BRSK1: variants seen among roughly 807,000 people sequenced by gnomAD.
BRSK1 encodes the protein BR serine/threonine kinase 1.
BRSK1 carries 17 observed loss-of-function variants against 86.2 expected under a neutral mutation model. That is an observed-to-expected ratio of 0.20 (90% CI 0.14 to 0.30). The LOEUF (loss-of-function observed/expected upper bound fraction) is 0.30. Ranked by LOEUF, BRSK1 falls within the 10% of genes least tolerant of loss-of-function variation. BRSK1 has a pLI of 1.00. For missense variants in BRSK1, 719 were observed against 1,071.9 expected, an observed-to-expected ratio of 0.67 and a Z score of 4.60; for synonymous variants, 464 against 440.1, an observed-to-expected ratio of 1.05 and a Z score of -0.68.
At position 55,304,009 on chromosome 19, in the gene BRSK1, T is replaced by G; in HGVS notation, c.1287-41T>G. On this transcript the variant is annotated intron_variant, in intron 12 of 18. Transcript: ENST00000309383. The surrounding 1 kb of genome is among the most constrained non-coding windows in gnomAD (Gnocchi z 5.2). ...GGAACATCTGTGGTTTTTGAAACCC[T>G]CCCATCTGATTTTTTTTTTTTAAAT... The G allele has an allele frequency of 1.9e-6, 3 of 1,570,724 alleles. No individual in the cohort carries two copies. The highest frequency in any genetic ancestry group is 2.6e-6 in the Non-Finnish European group (3 of 1,160,940).
Position 55,312,052 on chromosome 19 carries a change from G to A in BRSK1, c.2321G>A (p.Gly774Glu). Residue 774 changes from glycine to glutamate, a missense_variant, in exon 19 of 19, where the codon GGG (glycine) becomes GAG (glutamate). This residue lies in a region of BRSK1 where 82 missense variants were observed against 72.6 expected (regional missense o/e 1.13). Coordinates refer to ENST00000309383, the MANE Select transcript of BRSK1 (RefSeq NM_032430.2). ...PKDKKLLATN[G>E]TPLP ...GACAAGAAGCTCCTGGCCACCAACGGGACCCCTCTGCCCTGACCCCACGGG... is the reference window on the plus strand; with the variant it reads ...GACAAGAAGCTCCTGGCCACCAACGAGACCCCTCTGCCCTGACCCCACGGG... The A allele has an allele frequency of 6.8e-7, 1 of 1,476,670 alleles. No homozygotes were observed. 91.5% of individuals were successfully genotyped at this position (1,476,670 alleles called of 1,614,324 possible).
Position 55,304,878 on chromosome 19 carries a change from AGCTTCCTGG to A in BRSK1, c.1679_1687del (p.Phe560_Gly562del). 6.2e-7 allele frequency: 1 copy of A among 1,609,704 alleles called. No individual in the cohort carries two copies. The highest frequency in any genetic ancestry group is 8.5e-7 in the Non-Finnish European group (1 of 1,179,758). ...GAGTCGTCTCAACTCCATCCGCAACAGCTTCCTGGGCTCCCCTCGCTTTCACCGGCGCAA... is the reference window on the plus strand; with the variant it reads ...GAGTCGTCTCAACTCCATCCGCAACAGCTCCCCTCGCTTTCACCGGCGCAA... On this transcript the variant is annotated inframe_deletion, in exon 14 of 19. Transcript: ENST00000309383. This position sits in a 1 kb window ranked among gnomAD's most constrained non-coding sequence, Gnocchi z 5.2.
chr19:55,284,522 A>ACAC lies in BRSK1; in HGVS notation c.81_82insACC (p.His27_Ala28insThr). ...CACCCCCACCCCCACCCACCCCAGC[A>ACAC]CGCCCAATATGTGGGCCCCTATCGG... On this transcript the variant is annotated inframe_insertion, in exon 1 of 19. Transcript: ENST00000309383. The ACAC allele has an allele frequency of 1.3e-6, 1 of 758,906 alleles. No homozygotes were observed. The highest frequency in any genetic ancestry group is 1.7e-6 in the Non-Finnish European group (1 of 573,682). The allele number at this position is 758,906 out of a possible 1,614,324, so 47.0% of individuals were successfully genotyped here.
Position 55,302,891 on chromosome 19 carries a change from C to T in BRSK1, c.1028+24C>T. The T allele has an allele frequency of 6.2e-7, 1 of 1,600,196 alleles. No individual in the cohort carries two copies. ...GAGTAAGACCCCAAGACCCCTGCAC[C>T]CGTGTACCCACGTGGGGCGAGCTGC... On this transcript the variant is annotated intron_variant, in intron 10 of 18. Transcript: ENST00000309383. This position sits in a 1 kb window ranked among gnomAD's most constrained non-coding sequence, Gnocchi z 6.3.
chr19:55,292,818 A>G (rs1311628714), intron 4 of BRSK1, among the ~76,000 whole-genome samples: 1 of 148,784 alleles, frequency 6.7e-6, no homozygotes, highest in African/African-American at 2.5e-5. Flanking sequence ...TGGTCGACAG[A>G]GTGAGACTCT....
chr19:55,289,145 C>T (rs1007473282), intron 3 of BRSK1, among the ~76,000 whole-genome samples: 1 of 152,068 alleles, frequency 6.6e-6, no homozygotes, highest in African/African-American at 2.4e-5. Flanking sequence ...TCTCCTGAAA[C>T]CATTATGAGT....
At position 55,308,677 on chromosome 19, in the gene BRSK1, C is replaced by T. The variant is rs764217260; in HGVS notation, c.2128C>T (p.Gln710Ter). The T allele has an allele frequency of 6.2e-7, 1 of 1,607,876 alleles. No individual in the cohort carries two copies. The highest frequency in any genetic ancestry group is 8.5e-7 in the Non-Finnish European group (1 of 1,177,810). ...GTTCAAGCGAGTGGTGGAGACCATCCAGGCACAGCTCCTGAGCACTCATGA... is the reference window on the plus strand; with the variant it reads ...GTTCAAGCGAGTGGTGGAGACCATCTAGGCACAGCTCCTGAGCACTCATGA... ...RRFKRVVETI[Q>*]AQLLSTHDQP... Residue 710 changes from glutamine to a stop codon, truncating the protein, a stop_gained, in exon 18 of 19, where the codon CAG becomes TAG. Transcript: ENST00000309383. LOFTEE classifies it high-confidence loss of function.
chr19:55,292,759 A>G (rs1465286684), intron 4 of BRSK1, among the ~76,000 whole-genome samples: 2 of 151,844 alleles, frequency 1.3e-5, no homozygotes, highest in African/African-American at 2.4e-5. Flanking sequence ...GCTTGAGCCC[A>G]GGAGACGGAG....
At chr19:55,284,889 C>T (rs1334514373) in intron 1 of BRSK1, among the ~76,000 whole-genome samples, 1 of 141,596 alleles carries the variant, frequency 7.1e-6, no homozygotes, top group Non-Finnish European at 1.5e-5. Flanking sequence ...GGAGGAGGGC[C>T]TGGGGGTCTG....
chr19:55,293,587 C>A (rs978094766), intron 4 of BRSK1, among the ~76,000 whole-genome samples: 11 of 151,774 alleles, frequency 7.2e-5, no homozygotes, highest in Admixed American at 5.9e-4. Context: ...CCAAGGCGGG[C>A]GGATCATGAG....
At chr19:55,299,111 A>T (rs374538513) in intron 7 of BRSK1, among the ~76,000 whole-genome samples, 2 of 152,122 alleles carry the variant, frequency 1.3e-5, no homozygotes, top group Non-Finnish European at 2.9e-5. Flanking sequence ...AGCCGAGGTC[A>T]TGCCACTGCA....
At chr19:55,286,911 G>A (rs980745395) in intron 1 of BRSK1, 96 bp from the exon 2 acceptor site, 6 of 1,111,156 alleles carry the variant, frequency 5.4e-6, no homozygotes, top group Middle Eastern at 2.5e-4. Context: ...GCCAGCCCAG[G>A]AGGAAGGAGC....
At chr19:55,291,175 C>G (rs987045683) in intron 4 of BRSK1, among the ~76,000 whole-genome samples, 1 of 151,858 alleles carries the variant, frequency 6.6e-6, no homozygotes. Flanking sequence ...GCTATGTTGC[C>G]CAGGCTTGTC....
rs759936463 is a variant in BRSK1 at position 55,312,019 on chromosome 19, C to T, written c.2288C>T (p.Pro763Leu). The T allele has an allele frequency of 8.6e-6, 13 of 1,510,888 alleles. No individual in the cohort carries two copies. Among genetic ancestry groups the T allele is most frequent in the Non-Finnish European group, 8.9e-6 (10 of 1,129,030 alleles). 93.6% of individuals were successfully genotyped at this position (1,510,888 alleles called of 1,614,324 possible). A position where few individuals can be genotyped will look rare whatever the true frequency, so the allele number is the denominator to read the frequency against. Residue 763 changes from proline (P) to leucine (L), a missense_variant, in exon 19 of 19, where the codon CCC (proline) becomes CTC (leucine). Transcript: ENST00000309383. The part of the protein sequence containing the change: ...PELSSSPRRG[P>L]PKDKKLLATN... The stretch of plus-strand genomic sequence containing the variant: ...CTGAGCAGCTCTCCCCGCCGAGGCC[C>T]CCCCAAGGACAAGAAGCTCCTGGCC...
chr19:55,311,301 C>T (rs902291097), intron 18 of BRSK1, among the ~76,000 whole-genome samples: 6 of 152,104 alleles, frequency 3.9e-5, no homozygotes, highest in Non-Finnish European at 5.9e-5. Flanking sequence ...GTCTCCGCCA[C>T]GGGACCTCAG....
rs2088338205 is a variant in BRSK1 at position 55,287,610 on chromosome 19, A to G, written c.317+311A>G. ...AGACAAGCAGGGTGCCCTCGACCAG[A>G]CCCAATCTGCTATGGGCAGATGCCT... is the stretch of plus-strand genomic sequence containing the variant. On this transcript the variant is annotated intron_variant, in intron 3 of 18. Coordinates refer to ENST00000309383, the MANE Select transcript of BRSK1 (RefSeq NM_032430.2). This position sits in a 1 kb window ranked among gnomAD's most constrained non-coding sequence, Gnocchi z 5.3. 6.6e-6 allele frequency among the ~76,000 whole-genome samples: 1 copy of G among 152,216 alleles called. No individual in the cohort carries two copies. The highest frequency in any genetic ancestry group is 2.1e-4 in the South Asian group (1 of 4,834).
Position 55,304,498 on chromosome 19 carries a change from G to A in BRSK1, c.1348-53G>A, listed in dbSNP as rs985196417. On this transcript the variant is annotated intron_variant, in intron 13 of 18. Coordinates refer to ENST00000309383, the MANE Select transcript of BRSK1 (RefSeq NM_032430.2). This position sits in a 1 kb window ranked among gnomAD's most constrained non-coding sequence, Gnocchi z 5.2. Reference sequence around the variant, plus strand: ...TGTGCGTGTGAGTGGGGCTCCTAGAGCCTCCTGGGAGTTGTAGTCCACTCG... The same window carrying A: ...TGTGCGTGTGAGTGGGGCTCCTAGAACCTCCTGGGAGTTGTAGTCCACTCG... The A allele has an allele frequency of 1.7e-5, 26 of 1,486,826 alleles. No individual in the cohort carries two copies. The highest frequency in any genetic ancestry group is 4.3e-4 in the Middle Eastern group (2 of 4,598). 92.1% of individuals were successfully genotyped at this position (1,486,826 alleles called of 1,614,324 possible).
chr19:55,296,548 A>T (rs1429513758), intron 7 of BRSK1, among the ~76,000 whole-genome samples: 1 of 152,102 alleles, frequency 6.6e-6, no homozygotes, highest in Non-Finnish European at 1.5e-5. Flanking sequence ...AAGAAAGTTA[A>T]GAAAGTAGCC....
At chr19:55,305,837 G>A (rs1039847705) in intron 16 of BRSK1, among the ~76,000 whole-genome samples, 1 of 152,216 alleles carries the variant, frequency 6.6e-6, no homozygotes, top group Non-Finnish European at 1.5e-5. Context: ...CCCCTACTGC[G>A]AGGTTTGAAA....
Sources: allele counts gnomAD v4.1 joint callset (sites outside exome capture counted in the v4.1 genomes callset), GRCh38; gene constraint gnomAD v4.1.1; regional missense constraint gnomAD v4.1.1; non-coding constraint Gnocchi (gnomAD v3.1); transcripts MANE v1.5; gene names NCBI Gene and HGNC (gene_info 2026-07-23, HGNC 2026-07-21).